The following CIT variants were observed in gnomAD, a reference collection of about 807,000 sequenced individuals.
The protein encoded by CIT is citron Rho-interacting kinase.
CIT carries 79 observed loss-of-function variants against 272.7 expected under a neutral mutation model. That is an observed-to-expected ratio of 0.29 (90% CI 0.24 to 0.35). The LOEUF is 0.35. Ranked by LOEUF, CIT falls within the 10% of genes least tolerant of loss-of-function variation. The probability of loss-of-function intolerance (pLI) is 1.00; values close to 1 mark genes in which losing one functional copy is unlikely to be tolerated. For missense variants in CIT, 1,909 were observed against 2,618.3 expected, an observed-to-expected ratio of 0.73 and a Z score of 5.91; for synonymous variants, 948 against 995.6, an observed-to-expected ratio of 0.95 and a Z score of 0.90.
rs191891979 is a variant in CIT at position 119,826,663 on chromosome 12, G to A, written c.754-1295C>T. Among the ~76,000 whole-genome samples, 477 of 152,236 alleles carry A rather than the reference G, an allele frequency of 3.1e-3. 1 individual carries two copies. The highest frequency in any genetic ancestry group is 4.9e-3 in the Admixed American group (75 of 15,294). On this transcript the variant is annotated intron_variant, in intron 7 of 47. Transcript: ENST00000392521. ...GAGGCCCTGATTTTAGCTATATAGT[G>A]TGTTGGCCAGCTGTCCTATAACTCT...
intron 10 of CIT, among the ~76,000 whole-genome samples, chr12:119,790,350 G>C (rs919224214): frequency 2.0e-5 from 3 of 152,108 alleles, no homozygotes; most frequent in Non-Finnish European, 4.4e-5. Flanking sequence ...CTGCTTTAAG[G>C]AAAGTTTGCA....
intron 28 of CIT, among the ~76,000 whole-genome samples, chr12:119,727,871 A>G (rs1301109764): frequency 6.6e-6 from 1 of 150,632 alleles, no homozygotes; most frequent in Admixed American, 6.6e-5. Flanking sequence ...TCAAGGCTGC[A>G]GTGAGTAGTG....
At chr12:119,741,338 G>C (rs1264041381) in intron 24 of CIT, among the ~76,000 whole-genome samples, 3 of 152,196 alleles carry the variant, frequency 2.0e-5, no homozygotes, top group Admixed American at 6.5e-5. Flanking sequence ...TTACCCTTTG[G>C]GTGAAGGATG....
At chr12:119,810,426 G>A (rs543958619) in intron 9 of CIT, among the ~76,000 whole-genome samples, 23 of 152,230 alleles carry the variant, frequency 1.5e-4, no homozygotes, top group Admixed American at 5.2e-4. Context: ...GTGGCTGGGC[G>A]TAGTGGCTCA....
intron 18 of CIT, 79 bp from the exon 19 acceptor site, chr12:119,767,261 T>C (rs1593660468): frequency 1.8e-6 from 2 of 1,139,992 alleles, no homozygotes; most frequent in Admixed American, 2.1e-5. Context: ...ACAGGAAACA[T>C]GACTTTGGTA....
intron 7 of CIT, 118 bp downstream of exon 7, chr12:119,832,653 C>T (rs1314973807): frequency 5.0e-6 from 4 of 798,516 alleles, no homozygotes. Context: ...CACCCCCATA[C>T]ACTGCCAAAG....
chr12:119,808,077 C>T (rs1311471840), intron 9 of CIT, among the ~76,000 whole-genome samples: 1 of 152,068 alleles, frequency 6.6e-6, no homozygotes, highest in Non-Finnish European at 1.5e-5. Context: ...AGAATCAAGG[C>T]TTTCAGAAAC....
In CIT at chr12:119,734,113, G is replaced by A. The variant is rs560945873; in HGVS notation, c.3350+51C>T. The A allele has an allele frequency of 1.3e-5, 21 of 1,581,332 alleles. No individual in the cohort carries two copies. The East Asian group carries it at 1.6e-4, about 12-fold the overall frequency. ...TCACCCTGTCCACAACTCTCAGGCC[G>A]ATCCTCCTGCGGTCACCTGTCATGA... On this transcript the variant is annotated intron_variant, in intron 26 of 47. Transcript: ENST00000392521.
Position 119,757,395 on chromosome 12 carries a change from C to T in CIT, c.2682G>A (p.Leu894=). 3.1e-6 allele frequency: 5 copies of T among 1,614,146 alleles called. No homozygotes were observed. Among genetic ancestry groups the T allele is most frequent in the Non-Finnish European group, 4.2e-6 (5 of 1,180,036 alleles). The change falls in exon 22 of 48, where the codon CTG becomes CTA. Residue 894 remains leucine, a synonymous_variant. Coordinates refer to ENST00000392521, the MANE Select transcript of CIT (RefSeq NM_001206999.2). ...CCTCCCGCAATCTTGTCTCCAGTTC[C>T]AGCAGCCGATTCTTGTCACTGTGGT... ...HQDHSDKNRL[L]ELETRLREVS...
Position 119,697,831 on chromosome 12 carries a change from C to T in CIT, c.5710G>A (p.Ala1904Thr). ...IQARSSAGTP[A>T]RAYLDIPNPR... is the part of the protein sequence containing the mutation. Reference sequence around the variant, plus strand: ...TTCGGGATGTCCAGGTACGCTCGGGCAGGGGTCCTGCAGAGTCCCAGAGTT... The same window carrying T: ...TTCGGGATGTCCAGGTACGCTCGGGTAGGGGTCCTGCAGAGTCCCAGAGTT... Residue 1904 changes from alanine (A) to threonine (T), a missense_variant, in exon 46 of 48, where the codon GCC becomes ACC. Ala to Thr is a moderately conservative substitution (Grantham distance 58, BLOSUM62 0). This residue lies in a region of CIT where 780 missense variants were observed against 1,067.2 expected (regional missense o/e 0.73). Transcript: ENST00000392521. This position sits in a 1 kb window ranked among gnomAD's most constrained non-coding sequence, Gnocchi z 4.9. 2 of 1,613,982 alleles carry T rather than the reference C, an allele frequency of 1.2e-6. No homozygotes were observed. Among genetic ancestry groups the T allele is most frequent in the Non-Finnish European group, 1.7e-6 (2 of 1,179,940 alleles).
intron 40 of CIT, among the ~76,000 whole-genome samples, chr12:119,707,158 A>ATC (rs926282593): frequency 3.3e-5 from 5 of 152,124 alleles, no homozygotes; most frequent in Non-Finnish European, 5.9e-5. Context: ...TTTAAGGTTC[A>ATC]TCTCTCTCTC....
At chr12:119,755,214 A>G (rs1258099722) in intron 22 of CIT, among the ~76,000 whole-genome samples, 3 of 152,210 alleles carry the variant, frequency 2.0e-5, no homozygotes, top group Admixed American at 2.0e-4. Flanking sequence ...CCAGGAGCTC[A>G]AGACCAGCCT....
rs144761918 is a variant in CIT, at chr12:119,825,482, G to C, written c.754-114C>G. 4.3e-4 allele frequency: 395 copies of C among 919,006 alleles called. 3 individuals are homozygous for C. In the East Asian group the frequency reaches 8.5e-3, roughly 20 times the overall value. The allele number at this position is 919,006 out of a possible 1,614,324, so 56.9% of individuals were successfully genotyped here. On this transcript the variant is annotated intron_variant, in intron 7 of 47. Coordinates refer to ENST00000392521, the MANE Select transcript of CIT (RefSeq NM_001206999.2). Reference sequence around the variant, plus strand: ...TTGCCACTGATTACTATTCTCCCAGGCACTTAAACCAGCTGTCAAGTGGCA... The same window carrying C: ...TTGCCACTGATTACTATTCTCCCAGCCACTTAAACCAGCTGTCAAGTGGCA...
chr12:119,704,581 G>A (rs1956774970), intron 40 of CIT, 126 bp from the exon 41 acceptor site: 1 of 807,698 alleles, frequency 1.2e-6, no homozygotes. Flanking sequence ...GTGTGGTGGG[G>A]GGAGGGCTGT....
chr12:119,875,810 C>T (rs981367579), intron 2 of CIT, among the ~76,000 whole-genome samples: 5 of 152,036 alleles, frequency 3.3e-5, no homozygotes, highest in Non-Finnish European at 4.4e-5. Context: ...GGTGAAACCC[C>T]GTCTCTACTA....
rs923015152 is a variant in CIT at position 119,688,378 on chromosome 12, G to A, written c.6187-123C>T. 1.2e-5 allele frequency: 11 copies of A among 945,348 alleles called. No homozygotes were observed. The African/African-American group carries it at 1.6e-4, about 14-fold the overall frequency. 58.6% of individuals were successfully genotyped at this position (945,348 alleles called of 1,614,324 possible). A position where few individuals can be genotyped will look rare whatever the true frequency, so the allele number is the denominator to read the frequency against. ...TCCCCTTCAGCAGCTAGCAGTGAGT[G>A]CTTGGCAGGGCAGCACCCGCTCCAG... is the stretch of plus-strand genomic sequence containing the variant. On this transcript the variant is annotated intron_variant, in intron 47 of 47. Coordinates refer to ENST00000392521, the MANE Select transcript of CIT (RefSeq NM_001206999.2).
intron 27 of CIT, among the ~76,000 whole-genome samples, chr12:119,730,083 G>A (rs1253490726): frequency 1.3e-5 from 2 of 152,100 alleles, no homozygotes; most frequent in African/African-American, 2.4e-5. Context: ...CTTGGAACAC[G>A]GAGAAGCTGA....
intron 43 of CIT, 95 bp downstream of exon 43, chr12:119,701,529 C>T: frequency 7.0e-7 from 1 of 1,432,920 alleles, no homozygotes; most frequent in Non-Finnish European, 9.5e-7. Context: ...TCAAACCTAT[C>T]CTGCCCCAGA....
chr12:119,806,908 G>C (rs1309766231), intron 9 of CIT, among the ~76,000 whole-genome samples: 2 of 152,114 alleles, frequency 1.3e-5, no homozygotes, highest in African/African-American at 4.8e-5. Flanking sequence ...AAAAAGTCTT[G>C]TTCTTGAATT....
Sources: gnomAD v4.1 joint callset for allele counts (sites outside exome capture counted in the v4.1 genomes callset) on GRCh38, gnomAD v4.1.1 for gene constraint, gnomAD v4.1.1 regional missense constraint, Gnocchi (gnomAD v3.1) non-coding constraint, MANE v1.5 for transcripts, NCBI Gene and HGNC (gene_info 2026-07-23, HGNC 2026-07-21) for gene names.